The following THSD4 variants were observed in gnomAD, a reference collection of about 807,000 sequenced individuals.
THSD4 encodes thrombospondin type 1 domain containing 4.
In THSD4, 69 loss-of-function variants were observed where a neutral mutation model predicts 119.0. That is an observed-to-expected ratio of 0.58 (90% CI 0.48 to 0.71). The LOEUF (loss-of-function observed/expected upper bound fraction) is 0.71. Ranked by LOEUF, THSD4 falls within the 30% of genes least tolerant of loss-of-function variation. The probability of loss-of-function intolerance (pLI) is 0.00; values close to 1 mark genes in which losing one functional copy is unlikely to be tolerated. For missense variants in THSD4, 1,393 were observed against 1,391.1 expected (o/e 1.00, Z -0.02); for synonymous variants, 524 against 540.4 (o/e 0.97, Z 0.42).
intron 7 of THSD4, among the ~76,000 whole-genome samples, chr15:71,460,305 GTTTTTTTTTTT>G (rs563476190): frequency 1.6e-5 from 2 of 122,580 alleles, no homozygotes. Context: ...AAGTTGCCTG[GTTTTTTTTTTT>G]TTTTTTTTTT....
chr15:71,765,273 G>A, intron 16 of THSD4, 74 bp downstream of exon 16: 23 of 1,499,782 alleles, frequency 1.5e-5, no homozygotes, highest in Non-Finnish European at 2.1e-5. Flanking sequence ...GACCCCTCTG[G>A]GCCAGGCACT....
intron 3 of THSD4, among the ~76,000 whole-genome samples, chr15:71,171,382 A>G (rs2043361344): frequency 6.6e-6 from 1 of 152,216 alleles, no homozygotes; most frequent in African/African-American, 2.4e-5. Flanking sequence ...CAACATCTTT[A>G]AAGTACTAAA....
At chr15:71,343,715 A>ATTTTT (rs35533590) in intron 6 of THSD4, among the ~76,000 whole-genome samples, 2 of 134,802 alleles carry the variant, frequency 1.5e-5, no homozygotes, top group Admixed American at 1.5e-4. Flanking sequence ...TCATCTCAGG[A>ATTTTT]TTTTTTTTTT....
chr15:71,308,621 A>G (rs775671903), intron 6 of THSD4, among the ~76,000 whole-genome samples: 6 of 152,132 alleles, frequency 3.9e-5, no homozygotes, highest in Non-Finnish European at 8.8e-5. Context: ...GTAATATTCC[A>G]TGGTTTGGAT....
intron 6 of THSD4, among the ~76,000 whole-genome samples, chr15:71,367,217 CT>C (rs565677357): frequency 0.26 from 36,439 of 138,564 alleles, 4,404 homozygotes; most frequent in Admixed American, 0.31. Context: ...GCTAGGCTCT[CT>C]TTTTTTTTTT....
At chr15:71,699,858 A>G (rs911801893) in intron 8 of THSD4, among the ~76,000 whole-genome samples, 2 of 152,232 alleles carry the variant, frequency 1.3e-5, no homozygotes, top group Admixed American at 1.3e-4. Flanking sequence ...ACGCACCAAG[A>G]TGTTAAGAGA....
chr15:71,768,833 C>G (rs1019721210), intron 16 of THSD4, among the ~76,000 whole-genome samples: 1 of 150,350 alleles, frequency 6.7e-6, no homozygotes, highest in African/African-American at 2.5e-5. Context: ...CCGCCTCTGC[C>G]TCCCAAAGTG....
At chr15:71,127,158 A>G (rs971318024) in intron 1 of THSD4, among the ~76,000 whole-genome samples, 6 of 152,192 alleles carry the variant, frequency 3.9e-5, no homozygotes, top group African/African-American at 1.4e-4. Context: ...GATTCCACAT[A>G]TAAGTAAAAA....
chr15:71,463,102 G>T (rs533468415), intron 7 of THSD4, among the ~76,000 whole-genome samples: 15 of 152,202 alleles, frequency 9.9e-5, no homozygotes, highest in African/African-American at 3.4e-4. Context: ...CATGTCGTTG[G>T]TTTTTTGAAC....
intron 3 of THSD4, among the ~76,000 whole-genome samples, chr15:71,200,611 A>T (rs1408009407): frequency 1.3e-5 from 2 of 152,166 alleles, no homozygotes; most frequent in Non-Finnish European, 2.9e-5. Context: ...TGGTTCTGAA[A>T]AGGGTTAAGT....
chr15:71,608,249 TACACACACACACACAC>T (rs55892951), intron 7 of THSD4, among the ~76,000 whole-genome samples: 4 of 106,258 alleles, frequency 3.8e-5, no homozygotes, highest in South Asian at 3.7e-4. Flanking sequence ...TATATATATA[TACACACACACACACAC>T]ACACACACAC....
At chr15:71,603,491 G>A (rs1292920273) in intron 7 of THSD4, among the ~76,000 whole-genome samples, 1 of 152,146 alleles carries the variant, frequency 6.6e-6, no homozygotes, top group African/African-American at 2.4e-5. Context: ...AGAACCAAGT[G>A]GGTCATGAGA....
At chr15:71,252,676 C>T (rs1334377893) in intron 5 of THSD4, among the ~76,000 whole-genome samples, 2 of 152,216 alleles carry the variant, frequency 1.3e-5, no homozygotes, top group African/African-American at 2.4e-5. Flanking sequence ...TGCAAAGTGT[C>T]AGGGTTCAAA....
intron 11 of THSD4, among the ~76,000 whole-genome samples, chr15:71,743,613 C>T (rs966846103): frequency 1.3e-5 from 2 of 152,202 alleles, no homozygotes; most frequent in East Asian, 1.9e-4. Context: ...CTGCCTTTTA[C>T]TCAGCCAATA....
At chr15:71,502,495 CA>C (rs1233611440) in intron 7 of THSD4, among the ~76,000 whole-genome samples, 4 of 152,110 alleles carry the variant, frequency 2.6e-5, no homozygotes, top group Admixed American at 2.0e-4. Flanking sequence ...CATGTTTTAA[CA>C]ATTTAAAAAT....
chr15:71,754,030 C>T (rs1159159997), intron 14 of THSD4, among the ~76,000 whole-genome samples: 1 of 151,356 alleles, frequency 6.6e-6, no homozygotes, highest in Admixed American at 6.6e-5. Flanking sequence ...AACAAGTAGC[C>T]TAAGGGTTGG....
At chr15:71,102,015 T>G (rs916015465) in intron 1 of THSD4, among the ~76,000 whole-genome samples, 1 of 152,124 alleles carries the variant, frequency 6.6e-6, no homozygotes. Context: ...GGAGGGCCGA[T>G]AATTCTTTTC....
At chr15:71,470,607 T>C (rs1456775134) in intron 7 of THSD4, among the ~76,000 whole-genome samples, 5 of 152,152 alleles carry the variant, frequency 3.3e-5, no homozygotes, top group African/African-American at 1.2e-4. Flanking sequence ...ACAAAGCTAA[T>C]AAATGGCTGA....
At chr15:71,223,751 C>A (rs1349105505) in intron 4 of THSD4, among the ~76,000 whole-genome samples, 1 of 152,080 alleles carries the variant, frequency 6.6e-6, no homozygotes, top group Non-Finnish European at 1.5e-5. Flanking sequence ...AGTGTTCTAC[C>A]TGGGGGATGA....
Sources: gnomAD v4.1 joint callset for allele counts (sites outside exome capture counted in the v4.1 genomes callset) on GRCh38, gnomAD v4.1.1 for gene constraint, MANE v1.5 for transcripts, NCBI Gene and HGNC (gene_info 2026-07-23, HGNC 2026-07-21) for gene names.